MPDZ: variants seen among roughly 807,000 people sequenced by gnomAD.
MPDZ encodes multiple PDZ domain protein.
Under a neutral mutation model 239.1 loss-of-function variants are expected in MPDZ, and 234 were observed. That is an observed-to-expected ratio of 0.98 (90% confidence interval 0.88 to 1.09). The LOEUF (loss-of-function observed/expected upper bound fraction) is 1.09, where lower values mean the gene tolerates loss of function less well. Ranked by LOEUF, MPDZ falls within the 50% of genes least tolerant of loss-of-function variation. The pLI is 0.00. For missense variants in MPDZ, 3,175 were observed against 2,510.0 expected (o/e 1.26, Z -5.66); for synonymous variants, 1,048 against 881.3 (o/e 1.19, Z -3.35).
At chr9:13,168,725 A>T (rs189547476) in intron 21 of MPDZ, among the ~76,000 whole-genome samples, 161 bp from the exon 22 acceptor site, 105 of 152,312 alleles carry the variant, frequency 6.9e-4, no homozygotes, top group African/African-American at 2.4e-3. Flanking sequence ...TCTAACAAAA[A>T]ATATTTTTAA....
chr9:13,184,933 A>T (rs1953888597), intron 18 of MPDZ, among the ~76,000 whole-genome samples: 1 of 152,014 alleles, frequency 6.6e-6, no homozygotes. Flanking sequence ...AAGTGGAACT[A>T]ATCTTCCTTT....
rs985460473 is a variant in MPDZ, at chr9:13,136,759, T to G, written c.4245A>C (p.Ser1415=). 6.2e-7 allele frequency: 1 copy of G among 1,603,606 alleles called. No homozygotes were observed. Among genetic ancestry groups the G allele is most frequent in the Non-Finnish European group, 8.5e-7 (1 of 1,174,098 alleles). The part of the protein sequence containing the change: ...ILYGRSHQNA[S]SIIKCAPSKV... ...TAGAAGGGGCACATTTAATGATTGATGAGGCATTCTGATGACTTCTTCCAT... is the reference window on the plus strand; with the variant it reads ...TAGAAGGGGCACATTTAATGATTGAGGAGGCATTCTGATGACTTCTTCCAT... The change falls in exon 30 of 47, where the codon TCA becomes TCC. Residue 1415 remains serine (S), a synonymous_variant. Transcript: ENST00000319217.
At position 13,223,417 on chromosome 9, in the gene MPDZ, C is replaced by G. The variant is rs116610625; in HGVS notation, c.533+154G>C. Among the ~76,000 whole-genome samples, 2 of 152,022 alleles carry G rather than the reference C, an allele frequency of 1.3e-5. 1 individual carries two copies. The highest frequency in any genetic ancestry group is 4.1e-4 in the South Asian group (2 of 4,822). On this transcript the variant is annotated intron_variant, in intron 5 of 46. Transcript: ENST00000319217. ...CATTTCAAAGAACCTGCTATTTTAT[C>G]ACAACAATGTTAATGACTTCTAAAA...
intron 19 of MPDZ, among the ~76,000 whole-genome samples, chr9:13,183,195 T>C (rs1242878754): frequency 1.3e-5 from 2 of 152,078 alleles, no homozygotes; most frequent in African/African-American, 4.8e-5. Context: ...AGCCTCTGTA[T>C]CTATCATTCT....
Position 13,147,619 on chromosome 9 carries a change from C to T in MPDZ, c.3670G>A (p.Ala1224Thr), listed in dbSNP as rs773766957. The T allele has an allele frequency of 6.2e-7, 1 of 1,612,374 alleles. No individual in the cohort carries two copies. Among genetic ancestry groups the T allele is most frequent in the South Asian group, 1.1e-5 (1 of 91,018 alleles). ...MDLRDASHEQ[A>T]VEAIRKAGNP... is the part of the protein sequence containing the mutation. ...CCTGCTTTCCGAATGGCTTCCACAG[C>T]TTGTTCATGGCTTGCATCTCTGAGG... is the stretch of plus-strand genomic sequence containing the variant. Residue 1224 changes from alanine (A) to threonine (T), a missense_variant, in exon 26 of 47, where the codon GCT becomes ACT. Ala to Thr is a moderately conservative substitution (Grantham distance 58). Transcript: ENST00000319217.
rs1161731681 is a variant in MPDZ, at chr9:13,137,885, T to C, written c.4200+72A>G. 5 of 1,476,220 alleles carry C rather than the reference T, an allele frequency of 3.4e-6. No homozygotes were observed. The African/African-American group carries it at 7.0e-5, about 21-fold the overall frequency. 91.4% of individuals were successfully genotyped at this position (1,476,220 alleles called of 1,614,324 possible). A position where few individuals can be genotyped will look rare whatever the true frequency, so the allele number is the denominator to read the frequency against. On this transcript the variant is annotated intron_variant, in intron 29 of 46. Coordinates refer to ENST00000319217, the MANE Select transcript of MPDZ (RefSeq NM_001378778.1). ...CTCAGTCACTATAAGGTATGGGTGATTTTCTGGAAACTGACAGTTCCATTA... is the reference window on the plus strand; with the variant it reads ...CTCAGTCACTATAAGGTATGGGTGACTTTCTGGAAACTGACAGTTCCATTA...
chr9:13,129,538 G>A (rs547063074), intron 32 of MPDZ, among the ~76,000 whole-genome samples: 20 of 151,576 alleles, frequency 1.3e-4, no homozygotes, highest in African/African-American at 4.6e-4. Flanking sequence ...CATAAGAAAG[G>A]ATAACAGCAT....
intron 3 of MPDZ, among the ~76,000 whole-genome samples, chr9:13,246,620 A>T (rs1966653966): frequency 6.6e-6 from 1 of 152,174 alleles, no homozygotes; most frequent in African/African-American, 2.4e-5. Context: ...TTTGCTACAA[A>T]ATATTTAGAT....
intron 18 of MPDZ, among the ~76,000 whole-genome samples, chr9:13,185,477 G>C (rs1181154281): frequency 6.6e-6 from 1 of 151,988 alleles, no homozygotes; most frequent in African/African-American, 2.4e-5. Flanking sequence ...TTCCTTTTTA[G>C]CAACAGTGCA....
rs761474158 is a variant in MPDZ at position 13,114,036 on chromosome 9, C to A, written c.5467-15G>T. On this transcript the variant is annotated splice_polypyrimidine_tract_variant and intron_variant, in intron 40 of 46. Transcript: ENST00000319217. ...CCTTCACTCACCTACAAATATACAA[C>A]AATTATTTCAGAAGGTTTTGCAAGT... The A allele has an allele frequency of 2.4e-5, 37 of 1,566,512 alleles. No individual in the cohort carries two copies. Among genetic ancestry groups the A allele is most frequent in the Non-Finnish European group, 2.8e-5 (32 of 1,151,980 alleles).
At chr9:13,225,179 T>C (rs1025143903) in intron 3 of MPDZ, among the ~76,000 whole-genome samples, 7 of 152,090 alleles carry the variant, frequency 4.6e-5, no homozygotes, top group Non-Finnish European at 8.8e-5. Context: ...TAAGTGCTAT[T>C]ATGAGAGTCA....
At position 13,206,107 on chromosome 9, in the gene MPDZ, T is replaced by TA. The variant is rs368811859; in HGVS notation, c.1291-9dup. On this transcript the variant is annotated splice_polypyrimidine_tract_variant and intron_variant, in intron 10 of 46. Transcript: ENST00000319217. The stretch of plus-strand genomic sequence containing the variant: ...AAGGTTTGTGCCATCTACCTGTGAT[T>TA]AAAAAAAAAAAAAAGCATGTTACAT... The TA allele has an allele frequency of 0.037, 51,074 of 1,378,354 alleles. 484 individuals carry two copies. Among genetic ancestry groups the TA allele is most frequent in the African/African-American group, 0.15 (9,812 of 64,818 alleles). The allele number at this position is 1,378,354 out of a possible 1,614,324, so 85.4% of individuals were successfully genotyped here.
Position 13,227,567 on chromosome 9 carries a change from C to T in MPDZ, c.184-2984G>A, listed in dbSNP as rs1396954225. Among the ~76,000 whole-genome samples the T allele has an allele frequency of 2.0e-5, 3 of 151,968 alleles. No individual in the cohort carries two copies. In the South Asian group the frequency reaches 6.2e-4, roughly 32 times the overall value. On this transcript the variant is annotated intron_variant, in intron 3 of 46. Coordinates refer to ENST00000319217, the MANE Select transcript of MPDZ (RefSeq NM_001378778.1). Reference sequence around the variant, plus strand: ...TTATGCTATGGTAAGCCAGAATGAACAAATCGCATCCCGAGAATAGAGAGT... The same window carrying T: ...TTATGCTATGGTAAGCCAGAATGAATAAATCGCATCCCGAGAATAGAGAGT...
chr9:13,138,868 T>C (rs572724628), intron 28 of MPDZ, among the ~76,000 whole-genome samples: 1 of 152,320 alleles, frequency 6.6e-6, no homozygotes, highest in South Asian at 2.1e-4. Flanking sequence ...AAATGAGCTG[T>C]CTTGGAAGTC....
intron 23 of MPDZ, among the ~76,000 whole-genome samples, chr9:13,159,602 C>T (rs1350269568): frequency 1.3e-5 from 2 of 152,104 alleles, no homozygotes; most frequent in East Asian, 1.9e-4. Flanking sequence ...TAGAAACAGT[C>T]CTTAAAATAT....
At chr9:13,200,892 T>G (rs1409649144) in intron 12 of MPDZ, among the ~76,000 whole-genome samples, 1 of 152,084 alleles carries the variant, frequency 6.6e-6, no homozygotes, top group Non-Finnish European at 1.5e-5. Context: ...TCTGCAGCTG[T>G]TGGACGGAAC....
At chr9:13,152,751 C>T (rs1254188785) in intron 24 of MPDZ, among the ~76,000 whole-genome samples, 3 of 151,992 alleles carry the variant, frequency 2.0e-5, no homozygotes, top group East Asian at 3.9e-4. Flanking sequence ...CTTGGGGCCT[C>T]GGTGCTTGCT....
At position 13,222,458 on chromosome 9, in the gene MPDZ, G is replaced by A. The variant is rs761634136; in HGVS notation, c.534-12C>T. 9.4e-6 allele frequency: 15 copies of A among 1,598,528 alleles called. No individual in the cohort carries two copies. Among genetic ancestry groups the A allele is most frequent in the Admixed American group, 1.7e-5 (1 of 59,766 alleles). On this transcript the variant is annotated splice_polypyrimidine_tract_variant and intron_variant, in intron 5 of 46. Coordinates refer to ENST00000319217, the MANE Select transcript of MPDZ (RefSeq NM_001378778.1). ...TCAATCTTCCATCTCTATCAAGGATGCAAAAGGGGATAAAAGACAATCTGA... is the reference window on the plus strand; with the variant it reads ...TCAATCTTCCATCTCTATCAAGGATACAAAAGGGGATAAAAGACAATCTGA...
intron 19 of MPDZ, 106 bp downstream of exon 19, chr9:13,183,312 A>G: frequency 3.5e-6 from 3 of 864,954 alleles, no homozygotes; most frequent in South Asian, 2.2e-5. Flanking sequence ...CTGGAGAAAC[A>G]TAATGTCTCC....
Sources: allele counts gnomAD v4.1 joint callset (sites outside exome capture counted in the v4.1 genomes callset), GRCh38; gene constraint gnomAD v4.1.1; transcripts MANE v1.5; gene names NCBI Gene and HGNC (gene_info 2026-07-23, HGNC 2026-07-21).